Variants in KDM4C observed in about 807,000 individuals in gnomAD.
KDM4C encodes the protein lysine-specific demethylase 4C.
In KDM4C, 81 loss-of-function variants were observed where a neutral mutation model predicts 129.3. The observed-to-expected ratio is 0.63, with a 90% confidence interval of 0.52 to 0.75. The LOEUF is 0.75. KDM4C is among the 30% of genes least tolerant of loss of function. The pLI, the probability that KDM4C is intolerant of heterozygous loss-of-function variation, is 0.00. For synonymous variants in KDM4C, 573 were observed against 456.1 expected (o/e 1.26, Z -3.26); for missense variants, 1,457 against 1,304.0 (o/e 1.12, Z -1.81).
intron 1 of KDM4C, among the ~76,000 whole-genome samples, chr9:6,752,450 G>T (rs2130309963): frequency 7.3e-6 from 1 of 136,280 alleles, no homozygotes; most frequent in Admixed American, 7.7e-5. Context: ...CGCTCTTGTT[G>T]CCCAAGCTGG....
At chr9:7,169,721 A>G in intron 20 of KDM4C, 77 bp from the exon 21 acceptor site, 2 of 1,119,218 alleles carry the variant, frequency 1.8e-6, no homozygotes, top group Non-Finnish European at 2.6e-6. Flanking sequence ...TCATCTTTTC[A>G]TGTAGTTAAT....
At chr9:6,781,675 T>C (rs1055384041) in intron 1 of KDM4C, among the ~76,000 whole-genome samples, 3 of 152,178 alleles carry the variant, frequency 2.0e-5, no homozygotes, top group African/African-American at 7.2e-5. Context: ...CTTGTTTGCA[T>C]TATGAGAGCT....
At chr9:6,847,503 G>A (rs572022147) in intron 4 of KDM4C, among the ~76,000 whole-genome samples, 1 of 152,064 alleles carries the variant, frequency 6.6e-6, no homozygotes, top group African/African-American at 2.4e-5. Flanking sequence ...CCGTTCTCCT[G>A]CCTCAGCCTC....
chr9:7,127,783 A>C (rs564918907), intron 18 of KDM4C: 2 of 257,796 alleles, frequency 7.8e-6, no homozygotes, highest in African/African-American at 2.3e-5. Flanking sequence ...ATATATATAC[A>C]TACATATTGT....
chr9:7,137,856 A>G (rs992432964), intron 19 of KDM4C, among the ~76,000 whole-genome samples: 1 of 152,230 alleles, frequency 6.6e-6, no homozygotes, highest in Non-Finnish European at 1.5e-5. Context: ...TGAAGAGTTT[A>G]TGTTCCTTTT....
chr9:7,039,546 C>T (rs77877658), intron 15 of KDM4C, among the ~76,000 whole-genome samples: 6 of 151,916 alleles, frequency 3.9e-5, no homozygotes, highest in Non-Finnish European at 8.8e-5. Flanking sequence ...AGCTAAAAAT[C>T]TGCATATAAC....
At chr9:7,079,619 G>A (rs1379768664) in intron 17 of KDM4C, among the ~76,000 whole-genome samples, 3 of 152,232 alleles carry the variant, frequency 2.0e-5, no homozygotes, top group Admixed American at 6.5e-5. Flanking sequence ...ACGGCACCCA[G>A]CCTGAGAGTG....
At chr9:6,905,376 T>C (rs542281704) in intron 8 of KDM4C, among the ~76,000 whole-genome samples, 5 of 152,316 alleles carry the variant, frequency 3.3e-5, no homozygotes, top group African/African-American at 4.8e-5. Flanking sequence ...TACCAAGTGT[T>C]GATTGTCCTG....
chr9:6,935,399 A>C (rs1051925081), intron 8 of KDM4C, among the ~76,000 whole-genome samples: 1 of 151,898 alleles, frequency 6.6e-6, no homozygotes, highest in Non-Finnish European at 1.5e-5. Context: ...ACAGTAAAAC[A>C]TGATTTTTCA....
rs1161257331 is a variant in KDM4C, at chr9:6,767,178, G to T, written c.-18+8975G>T. Among the ~76,000 whole-genome samples the T allele has an allele frequency of 3.3e-5, 5 of 151,098 alleles. 1 individual carries two copies. Among genetic ancestry groups the T allele is most frequent in the African/African-American group, 1.2e-4 (5 of 41,048 alleles). ...TTTTGAGATGGAGTCTCGCTGTGTCGCCCAGGCTGGAGTGCAGTGGCACGA... is the reference window on the plus strand; with the variant it reads ...TTTTGAGATGGAGTCTCGCTGTGTCTCCCAGGCTGGAGTGCAGTGGCACGA... On this transcript the variant is annotated intron_variant, in intron 1 of 21. Transcript: ENST00000381309.
intron 8 of KDM4C, among the ~76,000 whole-genome samples, chr9:6,954,935 T>G (rs78801480): frequency 6.6e-6 from 1 of 152,236 alleles, no homozygotes; most frequent in African/African-American, 2.4e-5. Flanking sequence ...ATACTAATTA[T>G]TTTGCTTCAG....
chr9:7,109,272 A>C (rs991671273), intron 18 of KDM4C, among the ~76,000 whole-genome samples: 4 of 152,202 alleles, frequency 2.6e-5, no homozygotes, highest in African/African-American at 9.6e-5. Flanking sequence ...CATTTTAATA[A>C]AATTTTTATA....
chr9:6,880,040 C>T lies in KDM4C; in HGVS notation c.658C>T (p.Arg220Ter), dbSNP rs779861232. 8.8e-6 allele frequency: 14 copies of T among 1,599,466 alleles called. No homozygotes were observed. The highest frequency in any genetic ancestry group is 1.1e-5 in the South Asian group (1 of 89,202). Residue 220 changes from arginine (R) to a stop codon, truncating the protein, a stop_gained, in exon 6 of 22, where the codon CGA becomes TGA. Coordinates refer to ENST00000381309, the MANE Select transcript of KDM4C (RefSeq NM_015061.6). LOFTEE classifies it high-confidence loss of function. ...WYAIPPEHGKRLERLAQGFFP... is the reference protein window; with the variant it reads ...WYAIPPEHGK ...TGCTATACCTCCGGAGCATGGAAAA[C>T]GACTTGAAAGACTAGCTCAAGGTAA...
chr9:6,936,398 C>G, intron 8 of KDM4C, among the ~76,000 whole-genome samples: 1 of 149,270 alleles, frequency 6.7e-6, no homozygotes, highest in Non-Finnish European at 1.5e-5. Flanking sequence ...ATTTGATTTG[C>G]TAAAAAAAGA....
intron 12 of KDM4C, among the ~76,000 whole-genome samples, chr9:6,996,774 A>C (rs976735904): frequency 1.3e-5 from 2 of 152,184 alleles, no homozygotes; most frequent in Non-Finnish European, 2.9e-5. Context: ...TTTATAAGAA[A>C]ATTGCAAGAC....
chr9:7,129,049 C>G (rs539370654), intron 19 of KDM4C, among the ~76,000 whole-genome samples: 1 of 152,206 alleles, frequency 6.6e-6, no homozygotes, highest in East Asian at 1.9e-4. Flanking sequence ...CCTGTTATCC[C>G]TTCTCCTTTC....
At chr9:7,087,267 A>G (rs964042395) in intron 17 of KDM4C, among the ~76,000 whole-genome samples, 16 of 140,558 alleles carry the variant, frequency 1.1e-4, no homozygotes, top group Non-Finnish European at 2.2e-4. Flanking sequence ...AGTTTTTAAT[A>G]TGAAGGCTTT....
intron 8 of KDM4C, among the ~76,000 whole-genome samples, chr9:6,896,697 AG>A (rs887192744): frequency 2.0e-5 from 3 of 152,110 alleles, no homozygotes; most frequent in African/African-American, 7.2e-5. Context: ...GGCTGGTAGA[AG>A]GGGGAGAAGT....
intron 12 of KDM4C, among the ~76,000 whole-genome samples, chr9:7,000,276 G>A (rs199547201): frequency 6.6e-6 from 1 of 152,030 alleles, no homozygotes; most frequent in African/African-American, 2.4e-5. Context: ...CTAGTGGCTT[G>A]GTCAGGTTTT....
Sources: gnomAD v4.1 joint callset for allele counts (sites outside exome capture counted in the v4.1 genomes callset) on GRCh38, gnomAD v4.1.1 for gene constraint, MANE v1.5 for transcripts, NCBI Gene and HGNC (gene_info 2026-07-23, HGNC 2026-07-21) for gene names.